PCDH11Y: variants seen among roughly 807,000 people sequenced by gnomAD.
PCDH11Y encodes protocadherin-11 Y-linked.
For synonymous variants in PCDH11Y, 9 were observed against 83.6 expected (o/e 0.11, Z 4.87); for missense variants, 12 against 224.8 (o/e 0.05, Z 6.05).
chrY:5,407,031 G>GA (rs2053239451), intron 2 of PCDH11Y, among the ~76,000 whole-genome samples: 1 of 33,590 alleles, frequency 3.0e-5, no homozygotes, highest in Non-Finnish European at 7.4e-5. Context: ...AATAGACAAA[G>GA]AAAAAAATGT....
chrY:5,354,980 G>A (rs2053163961), intron 2 of PCDH11Y, among the ~76,000 whole-genome samples: 1 of 32,068 alleles, frequency 3.1e-5, no homozygotes, highest in African/African-American at 1.2e-4. Flanking sequence ...TATTGAGTCC[G>A]GGCATGGTGG....
intron 2 of PCDH11Y, among the ~76,000 whole-genome samples, chrY:5,220,339 T>C (rs2052951511): frequency 3.3e-5 from 1 of 30,522 alleles, no homozygotes; most frequent in Non-Finnish European, 7.8e-5. Flanking sequence ...GCTTTGGATA[T>C]CATAGACATG....
At chrY:5,529,596 A>G in intron 3 of PCDH11Y, among the ~76,000 whole-genome samples, 1 of 32,308 alleles carries the variant, frequency 3.1e-5, no homozygotes, top group Non-Finnish European at 7.7e-5. Context: ...CCATAAATAT[A>G]TTACACCTCC....
At chrY:5,483,094 A>T in intron 2 of PCDH11Y, among the ~76,000 whole-genome samples, 2 of 32,188 alleles carry the variant, frequency 6.2e-5, no homozygotes, top group African/African-American at 1.2e-4. Flanking sequence ...GAGTCCTCGA[A>T]AATTCATTAG....
intron 2 of PCDH11Y, among the ~76,000 whole-genome samples, chrY:5,384,798 T>A: frequency 3.2e-5 from 1 of 31,576 alleles, no homozygotes; most frequent in South Asian, 7.1e-4. Context: ...CCTCATTTTT[T>A]TTTTTTTTTT....
chrY:5,001,586 T>C, intron 1 of PCDH11Y, among the ~76,000 whole-genome samples: 1 of 34,308 alleles, frequency 2.9e-5, no homozygotes, highest in Non-Finnish European at 7.3e-5. Flanking sequence ...CTTTTTTTTT[T>C]CGAGGAAAGT....
intron 2 of PCDH11Y, among the ~76,000 whole-genome samples, chrY:5,407,742 T>C (rs2124677762): frequency 1.0e-4 from 3 of 29,618 alleles, no homozygotes; most frequent in South Asian, 7.9e-4. Context: ...TGAAACCCCG[T>C]CTCTACTAAA....
intron 4 of PCDH11Y, among the ~76,000 whole-genome samples, chrY:5,645,880 C>T: frequency 3.4e-5 from 1 of 29,017 alleles, no homozygotes; most frequent in African/African-American, 1.4e-4. Flanking sequence ...ACCCTAGTAC[C>T]GTGTTGGTGG....
In PCDH11Y at chrY:5,363,523, A is replaced by G. The variant is rs1602911948; in HGVS notation, c.3130-137534A>G. On this transcript the variant is annotated intron_variant, in intron 2 of 4. Transcript: ENST00000400457. ...ATCAACATTATGTTTCTTACCACCA[A>G]CTTTCCTAGGCTTCACATGTACACA... Among the ~76,000 whole-genome samples, 30 of 31,029 alleles carry G rather than the reference A, an allele frequency of 9.7e-4. No individual in the cohort carries two copies. The East Asian group carries it at 0.013, about 14-fold the overall frequency. The allele number at this position is 31,029 out of a possible 37,273, so 83.2% of individuals were successfully genotyped here.
chrY:5,390,253 T>G (rs1602917745), intron 2 of PCDH11Y, among the ~76,000 whole-genome samples: 164 of 33,954 alleles, frequency 4.8e-3, no homozygotes, highest in African/African-American at 0.018. Context: ...AAGCCATCTT[T>G]CCTATGGGAT....
At chrY:5,125,505 T>C (rs2124640531) in intron 2 of PCDH11Y, among the ~76,000 whole-genome samples, 4 of 33,425 alleles carry the variant, frequency 1.2e-4, no homozygotes, top group Admixed American at 1.1e-3. Context: ...AACAAAACTC[T>C]CCATGGTGTG....
intron 2 of PCDH11Y, among the ~76,000 whole-genome samples, chrY:5,295,022 A>G: frequency 3.0e-5 from 1 of 33,773 alleles, no homozygotes; most frequent in Non-Finnish European, 7.4e-5. Flanking sequence ...ACTATTCTAG[A>G]ATAAAAATTT....
At chrY:5,273,051 C>T (rs207480222) in intron 2 of PCDH11Y, among the ~76,000 whole-genome samples, 2 of 32,451 alleles carry the variant, frequency 6.2e-5, no homozygotes, top group African/African-American at 2.5e-4. Flanking sequence ...AGCCAGATAA[C>T]GAATTACCAA....
At chrY:5,244,812 G>C in intron 2 of PCDH11Y, among the ~76,000 whole-genome samples, 1 of 34,015 alleles carries the variant, frequency 2.9e-5, no homozygotes, top group Admixed American at 2.6e-4. Context: ...TGTGGGAGGG[G>C]TGGCAACCAG....
intron 3 of PCDH11Y, among the ~76,000 whole-genome samples, chrY:5,509,314 G>A: frequency 3.2e-5 from 1 of 31,471 alleles, no homozygotes; most frequent in Non-Finnish European, 7.7e-5. Flanking sequence ...GAGCAATACA[G>A]ACTGCCGATT....
intron 3 of PCDH11Y, among the ~76,000 whole-genome samples, chrY:5,518,998 T>C (rs2124689841): frequency 3.6e-5 from 1 of 27,905 alleles, no homozygotes; most frequent in Admixed American, 3.4e-4. Flanking sequence ...GTAAAACATT[T>C]AAACACCACT....
chrY:5,065,877 T>G, intron 1 of PCDH11Y, among the ~76,000 whole-genome samples: 1 of 31,390 alleles, frequency 3.2e-5, no homozygotes, highest in Admixed American at 3.1e-4. Flanking sequence ...TTGCTTTATT[T>G]ACATCTCATT....
intron 2 of PCDH11Y, among the ~76,000 whole-genome samples, chrY:5,137,858 A>T: frequency 9.0e-5 from 3 of 33,214 alleles, no homozygotes; most frequent in African/African-American, 3.5e-4. Flanking sequence ...CCAGCACTAG[A>T]CAGGTCATCG....
At chrY:5,414,725 G>A in intron 2 of PCDH11Y, among the ~76,000 whole-genome samples, 1 of 32,901 alleles carries the variant, frequency 3.0e-5, no homozygotes, top group African/African-American at 1.2e-4. Flanking sequence ...CCTTCAAGAA[G>A]TTGCTATTCT....
Sources: gnomAD v4.1 joint callset for allele counts (sites outside exome capture counted in the v4.1 genomes callset) on GRCh38, gnomAD v4.1.1 for gene constraint, MANE v1.5 for transcripts, NCBI Gene and HGNC (gene_info 2026-07-23, HGNC 2026-07-21) for gene names.